SHB: variants seen among roughly 807,000 people sequenced by gnomAD.
SHB encodes SH2 domain-containing adapter protein B.
Under a neutral mutation model 52.3 loss-of-function variants are expected in SHB, and 20 were observed. That is an observed-to-expected ratio of 0.38 (90% CI 0.27 to 0.56). The LOEUF (loss-of-function observed/expected upper bound fraction) is 0.56, where lower values mean the gene tolerates loss of function less well. SHB is among the 20% of genes least tolerant of loss of function. The pLI, the probability that SHB is intolerant of heterozygous loss-of-function variation, is 0.71. For synonymous variants in SHB, 397 were observed against 316.5 expected (o/e 1.25, Z -2.70); for missense variants, 825 against 723.3 (o/e 1.14, Z -1.61).
At chr9:38,040,140 G>A (rs531546726) in intron 1 of SHB, among the ~76,000 whole-genome samples, 80 of 152,314 alleles carry the variant, frequency 5.3e-4, no homozygotes, top group Admixed American at 2.4e-3. Flanking sequence ...GCAGGAAGGC[G>A]ACTCCTTCCA....
At chr9:37,939,862 G>C (rs1399473183) in intron 5 of SHB, among the ~76,000 whole-genome samples, 4 of 152,346 alleles carry the variant, frequency 2.6e-5, no homozygotes, top group Admixed American at 6.5e-5. Flanking sequence ...ATCACAGTGT[G>C]AAAGCTGGCT....
At chr9:38,056,212 T>G (rs533750660) in intron 1 of SHB, among the ~76,000 whole-genome samples, 2 of 152,052 alleles carry the variant, frequency 1.3e-5, no homozygotes, top group African/African-American at 4.8e-5. Context: ...CACTAGCCAT[T>G]TGGAAAATAA....
chr9:38,010,366 G>T (rs1821123820), intron 2 of SHB, among the ~76,000 whole-genome samples: 2 of 152,232 alleles, frequency 1.3e-5, no homozygotes, highest in South Asian at 4.1e-4. Flanking sequence ...GGCCAGTGAA[G>T]AGACGATCTC....
At chr9:38,004,749 T>C (rs937959297) in intron 2 of SHB, among the ~76,000 whole-genome samples, 1 of 152,136 alleles carries the variant, frequency 6.6e-6, no homozygotes, top group African/African-American at 2.4e-5. Context: ...CATGAGTGCA[T>C]GTGCCAGCGT....
chr9:37,984,422 A>C (rs1274811290), intron 2 of SHB, among the ~76,000 whole-genome samples: 3 of 152,344 alleles, frequency 2.0e-5, no homozygotes, highest in African/African-American at 7.2e-5. Context: ...ACGTAACGTG[A>C]AACACACAGG....
At chr9:37,953,005 G>A (rs552058180) in intron 4 of SHB, among the ~76,000 whole-genome samples, 7 of 152,130 alleles carry the variant, frequency 4.6e-5, no homozygotes, top group South Asian at 2.1e-4. Context: ...GGGAGAGCAC[G>A]TAGTTGGAGA....
At chr9:38,002,343 A>T (rs920879699) in intron 2 of SHB, among the ~76,000 whole-genome samples, 2 of 152,226 alleles carry the variant, frequency 1.3e-5, no homozygotes, top group Non-Finnish European at 2.9e-5. Context: ...CCTGAAACAA[A>T]GAAGTTTTCC....
intron 5 of SHB, among the ~76,000 whole-genome samples, chr9:37,943,680 C>T (rs1241830278): frequency 2.0e-5 from 3 of 152,198 alleles, no homozygotes; most frequent in Admixed American, 6.5e-5. Context: ...AGGTGCCACT[C>T]GGTGCCCCTT....
At chr9:37,970,704 G>A (rs939971263) in intron 3 of SHB, among the ~76,000 whole-genome samples, 19 of 151,996 alleles carry the variant, frequency 1.3e-4, no homozygotes, top group Admixed American at 2.0e-4. Context: ...CCCAGGACAC[G>A]CCCTTTGTCA....
intron 3 of SHB, among the ~76,000 whole-genome samples, chr9:37,962,368 C>T (rs1435322816): frequency 6.6e-6 from 1 of 152,178 alleles, no homozygotes; most frequent in Non-Finnish European, 1.5e-5. Flanking sequence ...ACAGTGGATG[C>T]TCAACATCAG....
chr9:38,037,820 T>C (rs1821508240), intron 1 of SHB, among the ~76,000 whole-genome samples: 1 of 151,772 alleles, frequency 6.6e-6, no homozygotes, highest in African/African-American at 2.4e-5. Context: ...GCAGAAGGAG[T>C]GGTCCTTCCT....
At position 38,012,772 on chromosome 9, in the gene SHB, T is replaced by C. The variant is rs1587243512; in HGVS notation, c.838+3239A>G. Among the ~76,000 whole-genome samples the C allele has an allele frequency of 2.0e-5, 3 of 150,558 alleles. No homozygotes were observed. In the South Asian group the frequency reaches 6.6e-4, roughly 33 times the overall value. On this transcript the variant is annotated intron_variant, in intron 2 of 5. Coordinates refer to ENST00000377707, the MANE Select transcript of SHB (RefSeq NM_003028.3). ...GGGCACAGCCTTCTTGTCAGCGTTATGCTTACTTATTCAAGATGATGCCCT... is the reference window on the plus strand; with the variant it reads ...GGGCACAGCCTTCTTGTCAGCGTTACGCTTACTTATTCAAGATGATGCCCT...
chr9:37,919,758 T>TG lies in SHB; in HGVS notation c.*62dup, dbSNP rs1218459802. Reference sequence around the variant, plus strand: ...CAGCAACAGTGGCTGGGCTGGTTGGTGGGGGGCCTCTGGCACCTCCAAGTC... The same window carrying TG: ...CAGCAACAGTGGCTGGGCTGGTTGGTGGGGGGGCCTCTGGCACCTCCAAGTC... On this transcript the variant is annotated 3_prime_UTR_variant, in exon 6 of 6. Coordinates refer to ENST00000377707, the MANE Select transcript of SHB (RefSeq NM_003028.3). The TG allele has an allele frequency of 1.0e-5, 14 of 1,368,850 alleles. No individual in the cohort carries two copies. Among genetic ancestry groups the TG allele is most frequent in the Non-Finnish European group, 1.2e-5 (12 of 968,508 alleles). The allele number at this position is 1,368,850 out of a possible 1,614,324, so 84.8% of individuals were successfully genotyped here.
At chr9:37,973,709 A>G (rs1490255451) in intron 3 of SHB, among the ~76,000 whole-genome samples, 1 of 152,196 alleles carries the variant, frequency 6.6e-6, no homozygotes, top group East Asian at 1.9e-4. Flanking sequence ...TTGAGTAGGA[A>G]GGAGATACCC....
chr9:37,978,446 T>C (rs183730120), intron 2 of SHB, among the ~76,000 whole-genome samples: 209 of 152,354 alleles, frequency 1.4e-3, no homozygotes, highest in African/African-American at 4.8e-3. Flanking sequence ...AATTATGGCA[T>C]GTTAACTGGA....
At chr9:37,953,966 A>G (rs992308758) in intron 4 of SHB, among the ~76,000 whole-genome samples, 2 of 152,094 alleles carry the variant, frequency 1.3e-5, no homozygotes, top group Non-Finnish European at 2.9e-5. Flanking sequence ...TGGGAAAGGA[A>G]AGAGAGCCCA....
At position 37,916,120 on chromosome 9, in the gene SHB, C is replaced by T. The variant is rs1223457600; in HGVS notation, c.*3701G>A. Among the ~76,000 whole-genome samples, 1 of 152,230 alleles carries T rather than the reference C, an allele frequency of 6.6e-6. No homozygotes were observed. The highest frequency in any genetic ancestry group is 1.9e-4 in the East Asian group (1 of 5,184). On this transcript the variant is annotated 3_prime_UTR_variant, in exon 6 of 6. Coordinates refer to ENST00000377707, the MANE Select transcript of SHB (RefSeq NM_003028.3). ...GCCCTCCTGCAAGCGCGCCTGTGAA[C>T]AAGTCCCCGTGGGGTTCTGGGAGGT... is the stretch of plus-strand genomic sequence containing the variant.
At chr9:37,979,761 A>T (rs537811494) in intron 2 of SHB, among the ~76,000 whole-genome samples, 1 of 152,328 alleles carries the variant, frequency 6.6e-6, no homozygotes, top group South Asian at 2.1e-4. Context: ...GTCCGAGACC[A>T]GTCTGGCCAA....
chr9:38,064,403 A>C (rs553736419), intron 1 of SHB, among the ~76,000 whole-genome samples: 4 of 152,308 alleles, frequency 2.6e-5, no homozygotes, highest in African/African-American at 9.6e-5. Context: ...AGCTGCATGA[A>C]AGTGCTGCTT....
Sources: gnomAD v4.1 joint callset for allele counts (sites outside exome capture counted in the v4.1 genomes callset) on GRCh38, gnomAD v4.1.1 for gene constraint, MANE v1.5 for transcripts, NCBI Gene and HGNC (gene_info 2026-07-23, HGNC 2026-07-21) for gene names.